The following DYRK2 variants were observed in gnomAD, a reference collection of about 807,000 sequenced individuals.
DYRK2 encodes dual specificity tyrosine-phosphorylation-regulated kinase 2.
A neutral mutation model predicts 41.6 loss-of-function variants in DYRK2; 12 were observed. That is an observed-to-expected ratio of 0.29 (90% CI 0.18 to 0.47). The LOEUF is 0.47. Ranked by LOEUF, DYRK2 falls within the 20% of genes least tolerant of loss-of-function variation. The probability of loss-of-function intolerance (pLI) is 1.00; values close to 1 mark genes in which losing one functional copy is unlikely to be tolerated. For synonymous variants in DYRK2, 322 were observed against 315.7 expected (o/e 1.02, Z -0.21); for missense variants, 678 against 798.4 (o/e 0.85, Z 1.82).
In DYRK2 at chr12:67,657,577, G is replaced by A. The variant is rs754464541; in HGVS notation, c.670G>A (p.Val224Ile). Reference protein sequence around the residue: ...PHDHVAYRYEVLKVIGKGSFG... With the variant: ...PHDHVAYRYEILKVIGKGSFG... ...CGATCACGTGGCTTACAGGTATGAGGTCCTCAAGGTCATTGGGAAGGGGAG... is the reference window on the plus strand; with the variant it reads ...CGATCACGTGGCTTACAGGTATGAGATCCTCAAGGTCATTGGGAAGGGGAG... The change falls in exon 3 of 3, where the codon GTC becomes ATC. Residue 224 changes from valine (V) to isoleucine (I), a missense_variant. Val to Ile is a conservative substitution (Grantham distance 29). This residue lies in a region of DYRK2 where 393 missense variants were observed against 519.1 expected (regional missense o/e 0.76). Coordinates refer to ENST00000344096, the MANE Select transcript of DYRK2 (RefSeq NM_006482.3). This position sits in a 1 kb window ranked among gnomAD's most constrained non-coding sequence, Gnocchi z 4.8. The A allele has an allele frequency of 6.2e-7, 1 of 1,613,994 alleles. No homozygotes were observed. Among genetic ancestry groups the A allele is most frequent in the Admixed American group, 1.7e-5 (1 of 60,000 alleles).
rs772236701 is a variant in DYRK2, at chr12:67,658,530, GC to G, written c.1625del (p.Pro542LeufsTer9). Reference sequence around the variant, plus strand: ...CCTGGCTGAGGAGGCGGTTGCCAAAGCCTCCCACCGGGGAGAAAACGTCAGT... The same window carrying G: ...CCTGGCTGAGGAGGCGGTTGCCAAAGCTCCCACCGGGGAGAAAACGTCAGT... ...HPWLRRRLPKPPTGEKTSVKR... is the reference protein window; with the variant it reads ...HPWLRRRLPKXPTGEKTSVKR... On this transcript the variant is annotated frameshift_variant, in exon 3 of 3. Coordinates refer to ENST00000344096, the MANE Select transcript of DYRK2 (RefSeq NM_006482.3). LOFTEE classifies it high-confidence loss of function. This position sits in a 1 kb window ranked among gnomAD's most constrained non-coding sequence, Gnocchi z 4.3. 2 of 1,613,706 alleles carry G rather than the reference GC, an allele frequency of 1.2e-6. No homozygotes were observed. The highest frequency in any genetic ancestry group is 1.7e-6 in the Non-Finnish European group (2 of 1,179,736).
chr12:67,663,586 C>T lies in DYRK2; in HGVS notation c.*4873C>T, dbSNP rs1400880366. 2 of 152,052 alleles carry T rather than the reference C, an allele frequency of 1.3e-5. No individual in the cohort carries two copies. The highest frequency in any genetic ancestry group is 2.1e-4 in the South Asian group (1 of 4,820). The allele number at this position is 152,052 out of a possible 1,614,324, so 9.4% of individuals were successfully genotyped here. A position where few individuals can be genotyped will look rare whatever the true frequency, so the allele number is the denominator to read the frequency against. On this transcript the variant is annotated 3_prime_UTR_variant, in exon 3 of 3. Coordinates refer to ENST00000344096, the MANE Select transcript of DYRK2 (RefSeq NM_006482.3). ...TAAAGTTCACACCCAGTGCAAAAAA[C>T]CCAATCAGCAAACTAACCCCAAAAT...
At position 67,658,692 on chromosome 12, in the gene DYRK2, G is replaced by A; in HGVS notation, c.1785G>A (p.Val595=). The A allele has an allele frequency of 1.2e-6, 2 of 1,608,896 alleles. No individual in the cohort carries two copies. Among genetic ancestry groups the A allele is most frequent in the Non-Finnish European group, 1.7e-6 (2 of 1,177,602 alleles). The change falls in exon 3 of 3, where the codon GTG becomes GTA. Residue 595 remains valine, a synonymous_variant. Transcript: ENST00000344096. The surrounding 1 kb of genome is among the most constrained non-coding windows in gnomAD (Gnocchi z 4.3). Reference sequence around the variant, plus strand: ...ATGGGAATATTCAGCAGAGGACAGTGTTGCCAAAACTTGTTAGCTGAGCTC... The same window carrying A: ...ATGGGAATATTCAGCAGAGGACAGTATTGCCAAAACTTGTTAGCTGAGCTC... ...DANGNIQQRT[V]LPKLVS is the part of the protein sequence containing the mutation.
chr12:67,662,969 C>G lies in DYRK2; in HGVS notation c.*4256C>G, dbSNP rs993229538. ...TTTTATATATAGCCTCTGCTGTGTT[C>G]TTTATTATGCTAGAGCTTCATATCT... is the stretch of plus-strand genomic sequence containing the variant. On this transcript the variant is annotated 3_prime_UTR_variant, in exon 3 of 3. Transcript: ENST00000344096. 3 of 152,046 alleles carry G rather than the reference C, an allele frequency of 2.0e-5. No individual in the cohort carries two copies. Among genetic ancestry groups the G allele is most frequent in the Non-Finnish European group, 2.9e-5 (2 of 67,976 alleles). 9.4% of individuals were successfully genotyped at this position (152,046 alleles called of 1,614,324 possible).
intron 2 of DYRK2, 86 bp downstream of exon 2, chr12:67,650,031 C>T (rs1872269295): frequency 5.6e-6 from 7 of 1,240,644 alleles, no homozygotes; most frequent in African/African-American, 1.6e-5. Flanking sequence ...GGTCTGACGC[C>T]GGGAGAAGAG....
chr12:67,651,530 C>G (rs897723623), intron 2 of DYRK2: 1 of 451,342 alleles, frequency 2.2e-6, no homozygotes, highest in African/African-American at 2.0e-5. Flanking sequence ...AGGAAGGATG[C>G]GAATGTGCTT....
Position 67,648,962 on chromosome 12 carries a change from A to C in DYRK2, c.-172A>C. On this transcript the variant is annotated 5_prime_UTR_variant, in exon 1 of 3. Coordinates refer to ENST00000344096, the MANE Select transcript of DYRK2 (RefSeq NM_006482.3). ...GGCTCGCGGCGGCGGGCCCCGGCCG[A>C]GGGGATGCAGTGGACTGTGTGTGTC... 2.4e-6 allele frequency: 1 copy of C among 424,580 alleles called. No homozygotes were observed. 26.3% of individuals were successfully genotyped at this position (424,580 alleles called of 1,614,324 possible).
chr12:67,654,921 G>A (rs916952347), intron 2 of DYRK2, among the ~76,000 whole-genome samples: 2 of 152,122 alleles, frequency 1.3e-5, no homozygotes, highest in African/African-American at 4.8e-5. Flanking sequence ...AGGATCAGTT[G>A]CAGGGGGTTA....
In DYRK2 at chr12:67,664,333, A is replaced by G. The variant is rs370517513; in HGVS notation, c.*5620A>G. On this transcript the variant is annotated 3_prime_UTR_variant, in exon 3 of 3. Coordinates refer to ENST00000344096, the MANE Select transcript of DYRK2 (RefSeq NM_006482.3). ...TTAATGAGGAAACTAATGAGTTAATATTAACTCTTCTGAAGAAAGCTGACA... is the reference window on the plus strand; with the variant it reads ...TTAATGAGGAAACTAATGAGTTAATGTTAACTCTTCTGAAGAAAGCTGACA... 3 of 152,084 alleles carry G rather than the reference A, an allele frequency of 2.0e-5. No individual in the cohort carries two copies. Among genetic ancestry groups the G allele is most frequent in the African/African-American group, 7.2e-5 (3 of 41,434 alleles). The allele number at this position is 152,084 out of a possible 1,614,324, so 9.4% of individuals were successfully genotyped here.
At position 67,649,832 on chromosome 12, in the gene DYRK2, G is replaced by A; in HGVS notation, c.85G>A (p.Ala29Thr). ...GGACAGCGCCGTTCGTCAGCTTCAG[G>A]CTTCCCCGGGGCTCGGTGCAGGGGC... Reference protein sequence around the residue: ...GGDSAVRQLQASPGLGAGATR... With the variant: ...GGDSAVRQLQTSPGLGAGATR... Residue 29 changes from alanine to threonine, a missense_variant, in exon 2 of 3, where the codon GCT becomes ACT. By Grantham distance (58) the Ala-to-Thr change is moderately conservative. Transcript: ENST00000344096. 2 of 1,329,326 alleles carry A rather than the reference G, an allele frequency of 1.5e-6. No individual in the cohort carries two copies. Among genetic ancestry groups the A allele is most frequent in the East Asian group, 2.8e-5 (1 of 35,704 alleles). 82.3% of individuals were successfully genotyped at this position (1,329,326 alleles called of 1,614,324 possible). A position where few individuals can be genotyped will look rare whatever the true frequency, so the allele number is the denominator to read the frequency against.
At position 67,658,149 on chromosome 12, in the gene DYRK2, G is replaced by T; in HGVS notation, c.1242G>T (p.Glu414Asp). ...GGAGCCTGGGCTGCATTTTAGCAGA[G>T]CTCCTGACGGGTTACCCCCTCTTGC... ...DMWSLGCILA[E>D]LLTGYPLLPG... is the part of the protein sequence containing the mutation. Residue 414 changes from glutamate to aspartate, a missense_variant, in exon 3 of 3, where the codon GAG (glutamate) becomes GAT (aspartate). Around this residue, in one of 2 missense-constraint regions of DYRK2, gnomAD observed 393 missense variants for 519.1 expected, o/e 0.76. Coordinates refer to ENST00000344096, the MANE Select transcript of DYRK2 (RefSeq NM_006482.3). This position sits in a 1 kb window ranked among gnomAD's most constrained non-coding sequence, Gnocchi z 4.3. 1 of 1,614,244 alleles carries T rather than the reference G, an allele frequency of 6.2e-7. No homozygotes were observed. The highest frequency in any genetic ancestry group is 1.1e-5 in the South Asian group (1 of 91,090).
chr12:67,650,092 C>T (rs1255497158), intron 2 of DYRK2, 147 bp downstream of exon 2: 15 of 925,130 alleles, frequency 1.6e-5, no homozygotes, highest in Admixed American at 4.3e-5. Context: ...CTCTCGTCGA[C>T]GCCGCCCTGG....
Position 67,659,034 on chromosome 12 carries a change from G to A in DYRK2, c.*321G>A. 1 of 222,956 alleles carries A rather than the reference G, an allele frequency of 4.5e-6. No homozygotes were observed. The highest frequency in any genetic ancestry group is 9.5e-6 in the Non-Finnish European group (1 of 105,780). 13.8% of individuals were successfully genotyped at this position (222,956 alleles called of 1,614,324 possible). A position where few individuals can be genotyped will look rare whatever the true frequency, so the allele number is the denominator to read the frequency against. Reference sequence around the variant, plus strand: ...ATGACTGCCACGCATTTACAGATTGGTGTCAAAGACATTCACTATGTTTTT... The same window carrying A: ...ATGACTGCCACGCATTTACAGATTGATGTCAAAGACATTCACTATGTTTTT... On this transcript the variant is annotated 3_prime_UTR_variant, in exon 3 of 3. Coordinates refer to ENST00000344096, the MANE Select transcript of DYRK2 (RefSeq NM_006482.3).
In DYRK2 at chr12:67,658,153, C is replaced by A. The variant is rs766155721; in HGVS notation, c.1246C>A (p.Leu416Met). Residue 416 changes from leucine to methionine, a missense_variant, in exon 3 of 3, where the codon CTG becomes ATG. Physicochemically the swap from Leu to Met is conservative, Grantham distance 15. This residue lies in a region of DYRK2 where 393 missense variants were observed against 519.1 expected (regional missense o/e 0.76). Transcript: ENST00000344096. This position sits in a 1 kb window ranked among gnomAD's most constrained non-coding sequence, Gnocchi z 4.3. ...WSLGCILAELLTGYPLLPGED... is the reference protein window; with the variant it reads ...WSLGCILAELMTGYPLLPGED... ...CCTGGGCTGCATTTTAGCAGAGCTC[C>A]TGACGGGTTACCCCCTCTTGCCTGG... 26 of 1,614,098 alleles carry A rather than the reference C, an allele frequency of 1.6e-5. No homozygotes were observed. Among genetic ancestry groups the A allele is most frequent in the Non-Finnish European group, 2.1e-5 (25 of 1,180,050 alleles).
chr12:67,656,513 C>G (rs1224535852), intron 2 of DYRK2, among the ~76,000 whole-genome samples: 4 of 152,202 alleles, frequency 2.6e-5, no homozygotes, highest in African/African-American at 9.6e-5. Context: ...ACATGGGAAT[C>G]TTTCAAGTCT....
intron 2 of DYRK2, among the ~76,000 whole-genome samples, chr12:67,655,154 A>G (rs1042296986): frequency 1.3e-5 from 2 of 152,180 alleles, no homozygotes; most frequent in African/African-American, 4.8e-5. Context: ...TAAATTTCTG[A>G]GGCTTGGTTT....
chr12:67,652,984 C>T (rs560957296), intron 2 of DYRK2, among the ~76,000 whole-genome samples: 5 of 151,600 alleles, frequency 3.3e-5, no homozygotes, highest in African/African-American at 9.8e-5. Context: ...CACCCGCCAC[C>T]ATGCCTGGCT....
rs1309109378 is a variant in DYRK2 at position 67,663,546 on chromosome 12, G to A, written c.*4833G>A. On this transcript the variant is annotated 3_prime_UTR_variant, in exon 3 of 3. Transcript: ENST00000344096. Reference sequence around the variant, plus strand: ...GCCTGGGCCATAGATTTTTGTTACTGCTAATCTTGCTTCTTAAAGTTCACA... The same window carrying A: ...GCCTGGGCCATAGATTTTTGTTACTACTAATCTTGCTTCTTAAAGTTCACA... 1 of 152,022 alleles carries A rather than the reference G, an allele frequency of 6.6e-6. No individual in the cohort carries two copies. The highest frequency in any genetic ancestry group is 1.9e-4 in the East Asian group (1 of 5,188). 9.4% of individuals were successfully genotyped at this position (152,022 alleles called of 1,614,324 possible).
rs1245325378 is a variant in DYRK2, at chr12:67,661,630, A to G, written c.*2917A>G. ...ATGGAACCCATCTCTGCAAAGATACATCTGTCTTAAATATCTAGTTACAGG... is the reference window on the plus strand; with the variant it reads ...ATGGAACCCATCTCTGCAAAGATACGTCTGTCTTAAATATCTAGTTACAGG... On this transcript the variant is annotated 3_prime_UTR_variant, in exon 3 of 3. Coordinates refer to ENST00000344096, the MANE Select transcript of DYRK2 (RefSeq NM_006482.3). 1 of 167,038 alleles carries G rather than the reference A, an allele frequency of 6.0e-6. No individual in the cohort carries two copies. Among genetic ancestry groups the G allele is most frequent in the African/African-American group, 2.4e-5 (1 of 41,434 alleles). The allele number at this position is 167,038 out of a possible 1,614,324, so 10.3% of individuals were successfully genotyped here. A position where few individuals can be genotyped will look rare whatever the true frequency, so the allele number is the denominator to read the frequency against.
Sources: gnomAD v4.1 joint callset for allele counts (sites outside exome capture counted in the v4.1 genomes callset) on GRCh38, gnomAD v4.1.1 for gene constraint, gnomAD v4.1.1 regional missense constraint, Gnocchi (gnomAD v3.1) non-coding constraint, MANE v1.5 for transcripts, NCBI Gene and HGNC (gene_info 2026-07-23, HGNC 2026-07-21) for gene names.